PKHD1L1: variants seen among roughly 807,000 people sequenced by gnomAD.
The protein encoded by PKHD1L1 is PKHD1 like 1, also known as fibrocystin-L.
PKHD1L1 carries 434 observed loss-of-function variants against 462.9 expected under a neutral mutation model. The ratio of observed to expected loss-of-function variants is 0.94; its 90% CI spans 0.87 to 1.02. The LOEUF is 1.02. Among genes scored for constraint, PKHD1L1 ranks in the 50% least tolerant of loss-of-function variants. The probability of loss-of-function intolerance (pLI) is 0.00; values close to 1 mark genes in which losing one functional copy is unlikely to be tolerated. For synonymous variants in PKHD1L1, 1,781 were observed against 1,750.0 expected (o/e 1.02, Z -0.44); for missense variants, 5,202 against 5,096.1 (o/e 1.02, Z -0.63).
chr8:109,461,178 A>G (rs763132194), intron 47 of PKHD1L1, among the ~76,000 whole-genome samples: 4 of 152,200 alleles, frequency 2.6e-5, no homozygotes, highest in Admixed American at 2.6e-4. Flanking sequence ...ACAATACTAT[A>G]AGTAGTTGAA....
chr8:109,374,572 G>T (rs1044329755), intron 2 of PKHD1L1, among the ~76,000 whole-genome samples: 1 of 152,194 alleles, frequency 6.6e-6, no homozygotes, highest in Non-Finnish European at 1.5e-5. Context: ...TTGCTGGTTA[G>T]TTGATGCAGT....
At chr8:109,440,986 T>G in intron 33 of PKHD1L1, 134 bp downstream of exon 33, 2 of 1,149,946 alleles carry the variant, frequency 1.7e-6, no homozygotes, top group South Asian at 3.6e-5. Context: ...GGTAAGTGTA[T>G]TTGGTTAAAG....
Position 109,406,408 on chromosome 8 carries a change from C to T in PKHD1L1, c.1743C>T (p.Asp581=), listed in dbSNP as rs747760898. 4 of 1,587,134 alleles carry T rather than the reference C, an allele frequency of 2.5e-6. No individual in the cohort carries two copies. Among genetic ancestry groups the T allele is most frequent in the Non-Finnish European group, 3.4e-6 (4 of 1,165,762 alleles). ...ALNDLWSIKP[D]TVQVIRTQNP... ...ATGACCTCTGGTCTATAAAACCGGA[C>T]ACAGTTCAAGTAATAAGAACACAAA... The change falls in exon 17 of 78, where the codon GAC becomes GAT. Residue 581 remains aspartate (D), a synonymous_variant. Coordinates refer to ENST00000378402, the MANE Select transcript of PKHD1L1 (RefSeq NM_177531.6).
intron 27 of PKHD1L1, among the ~76,000 whole-genome samples, chr8:109,430,737 A>AT (rs1408556145): frequency 6.6e-6 from 1 of 152,130 alleles, no homozygotes; most frequent in Non-Finnish European, 1.5e-5. Flanking sequence ...TCGCCAACTA[A>AT]TTTTATATTG....
chr8:109,391,749 G>C (rs1304615670), intron 9 of PKHD1L1, among the ~76,000 whole-genome samples: 1 of 152,162 alleles, frequency 6.6e-6, no homozygotes, highest in African/African-American at 2.4e-5. Context: ...CTAAGTAGAT[G>C]TTATTCCTAG....
At chr8:109,525,659 T>C (rs1820778690) in intron 76 of PKHD1L1, among the ~76,000 whole-genome samples, 1 of 152,122 alleles carries the variant, frequency 6.6e-6, no homozygotes, top group Non-Finnish European at 1.5e-5. Flanking sequence ...TTCACAGTAC[T>C]TCAGGAGGAG....
rs73309315 is a variant in PKHD1L1, at chr8:109,455,473, G to A, written c.6874+621G>A. 1.7e-3 allele frequency among the ~76,000 whole-genome samples: 259 copies of A among 152,132 alleles called. 1 individual carries two copies. The highest frequency in any genetic ancestry group is 5.3e-3 in the African/African-American group (221 of 41,498). ...TTCCATGAGCCTCCAGGCTCTTCTC[G>A]TTTCATTTTACACTAACCGTAGTAC... On this transcript the variant is annotated intron_variant, in intron 45 of 77. Transcript: ENST00000378402.
intron 16 of PKHD1L1, among the ~76,000 whole-genome samples, chr8:109,405,528 G>A (rs1475717231): frequency 6.6e-6 from 1 of 152,140 alleles, no homozygotes; most frequent in Non-Finnish European, 1.5e-5. Flanking sequence ...ATGAGATCAT[G>A]TCCTTTTCAG....
At chr8:109,415,905 GTA>G (rs1491474343) in intron 21 of PKHD1L1, among the ~76,000 whole-genome samples, 35 of 146,610 alleles carry the variant, frequency 2.4e-4, no homozygotes, top group Middle Eastern at 3.8e-3. Flanking sequence ...GTGTGTGTGT[GTA>G]GGAAATCATA....
Position 109,371,631 on chromosome 8 carries a change from GT to G in PKHD1L1, c.163+6999del, listed in dbSNP as rs765147010. Among the ~76,000 whole-genome samples, 25 of 132,118 alleles carry G rather than the reference GT, an allele frequency of 1.9e-4. 1 individual carries two copies. Among genetic ancestry groups the G allele is most frequent in the African/African-American group, 6.0e-4 (22 of 36,400 alleles). 86.7% of individuals were successfully genotyped at this position (132,118 alleles called of 152,430 possible). On this transcript the variant is annotated intron_variant, in intron 2 of 77. Coordinates refer to ENST00000378402, the MANE Select transcript of PKHD1L1 (RefSeq NM_177531.6). ...TAGGTTTTCTTCTAGGGTTTTTATG[GT>G]TTTAGGTCTAACATGTAAGTCTTTA...
At chr8:109,466,471 T>C in intron 49 of PKHD1L1, 107 bp from the exon 50 acceptor site, 1 of 1,157,132 alleles carries the variant, frequency 8.6e-7, no homozygotes. Context: ...TACCCAGACT[T>C]TTAGACTGTA....
chr8:109,455,724 G>C (rs572048134), intron 45 of PKHD1L1, among the ~76,000 whole-genome samples: 2 of 152,106 alleles, frequency 1.3e-5, no homozygotes, highest in African/African-American at 4.8e-5. Context: ...ACTATTTAAA[G>C]AAAGCATGGT....
At chr8:109,519,587 A>T (rs1820444627) in intron 73 of PKHD1L1, among the ~76,000 whole-genome samples, 1 of 152,164 alleles carries the variant, frequency 6.6e-6, no homozygotes, top group Non-Finnish European at 1.5e-5. Context: ...AAGTACTCTG[A>T]TCTAGGTGTA....
chr8:109,481,881 G>A (rs946632080), intron 56 of PKHD1L1, among the ~76,000 whole-genome samples: 1 of 151,460 alleles, frequency 6.6e-6, no homozygotes, highest in Admixed American at 6.6e-5. Flanking sequence ...TTTCCAATCT[G>A]GTTTTCTTCA....
intron 51 of PKHD1L1, 69 bp from the exon 52 acceptor site, chr8:109,476,439 T>C: frequency 1.9e-6 from 2 of 1,059,520 alleles, no homozygotes; most frequent in South Asian, 3.9e-5. Flanking sequence ...TAATTATATG[T>C]CATTAAAATT....
chr8:109,451,446 T>C (rs1000679459), intron 41 of PKHD1L1, among the ~76,000 whole-genome samples: 2 of 152,168 alleles, frequency 1.3e-5, no homozygotes, highest in African/African-American at 4.8e-5. Context: ...CCAATCCTAG[T>C]ATGTAGCATC....
At chr8:109,518,887 T>C (rs1252825315) in intron 73 of PKHD1L1, among the ~76,000 whole-genome samples, 2 of 151,866 alleles carry the variant, frequency 1.3e-5, no homozygotes, top group African/African-American at 4.8e-5. Context: ...TGGTGAGAGT[T>C]TGGTGCATTT....
intron 1 of PKHD1L1, among the ~76,000 whole-genome samples, chr8:109,364,091 C>T (rs1201677204): frequency 1.3e-5 from 2 of 152,150 alleles, no homozygotes; most frequent in East Asian, 3.9e-4. Context: ...CTTCTCAAAA[C>T]CAACATTTCT....
chr8:109,460,578 T>C (rs1817067307), intron 47 of PKHD1L1, among the ~76,000 whole-genome samples: 1 of 152,166 alleles, frequency 6.6e-6, no homozygotes, highest in South Asian at 2.1e-4. Context: ...ACAGCACACT[T>C]GGCATCTACC....
Sources: gnomAD v4.1 joint callset for allele counts (sites outside exome capture counted in the v4.1 genomes callset) on GRCh38, gnomAD v4.1.1 for gene constraint, MANE v1.5 for transcripts, NCBI Gene and HGNC (gene_info 2026-07-23, HGNC 2026-07-21) for gene names.